Variants in OR4N2 observed in about 807,000 individuals in gnomAD.
The protein encoded by OR4N2 is olfactory receptor 4N2.
For synonymous variants in OR4N2, 141 were observed against 140.4 expected, an observed-to-expected ratio of 1.00 and a Z score of -0.03; for missense variants, 307 against 377.6, an observed-to-expected ratio of 0.81 and a Z score of 1.55.
intron 1 of OR4N2, among the ~76,000 whole-genome samples, chr14:19,811,750 C>G (rs2801167): frequency 0.082 from 12,319 of 149,744 alleles, 103 homozygotes; most frequent in East Asian, 0.18. Context: ...AACATCCATT[C>G]ATGTCTGTAA....
chr14:19,815,654 T>G (rs1163168791), intron 1 of OR4N2, among the ~76,000 whole-genome samples: 2 of 125,456 alleles, frequency 1.6e-5, no homozygotes, highest in African/African-American at 5.6e-5. Flanking sequence ...GGTTTTTTTT[T>G]GTTTTTTTTT....
intron 1 of OR4N2, among the ~76,000 whole-genome samples, chr14:19,815,439 T>C (rs1167914251): frequency 6.6e-6 from 1 of 152,248 alleles, no homozygotes; most frequent in Admixed American, 6.5e-5. Flanking sequence ...TGAGCTTTTT[T>C]TTCATATGTT....
intron 1 of OR4N2, among the ~76,000 whole-genome samples, chr14:19,807,970 TAA>T (rs1443237743): frequency 6.6e-6 from 1 of 152,062 alleles, no homozygotes; most frequent in Non-Finnish European, 1.5e-5. Context: ...ATAAACATAA[TAA>T]GAGACAAAAA....
chr14:19,822,807 A>T (rs1215539719), intron 1 of OR4N2, among the ~76,000 whole-genome samples: 1 of 152,256 alleles, frequency 6.6e-6, no homozygotes, highest in African/African-American at 2.4e-5. Context: ...TGTTACCCCC[A>T]TCAGACCCAA....
intron 1 of OR4N2, among the ~76,000 whole-genome samples, chr14:19,805,749 G>A (rs547382790): frequency 8.5e-5 from 13 of 152,246 alleles, no homozygotes; most frequent in Middle Eastern, 3.4e-3. Context: ...ACCCTGGCTA[G>A]ATATCGTACG....
intron 1 of OR4N2, among the ~76,000 whole-genome samples, chr14:19,806,891 T>C (rs1245243020): frequency 6.6e-6 from 1 of 152,036 alleles, no homozygotes; most frequent in African/African-American, 2.4e-5. Context: ...AAATTAGAAA[T>C]AAACATCAAG....
intron 1 of OR4N2, among the ~76,000 whole-genome samples, chr14:19,824,185 A>G (rs2318282): frequency 6.6e-6 from 1 of 152,044 alleles, no homozygotes; most frequent in Non-Finnish European, 1.5e-5. Flanking sequence ...ATGCCATCAT[A>G]TATGGATTTT....
intron 1 of OR4N2, among the ~76,000 whole-genome samples, chr14:19,809,966 A>T (rs1432868729): frequency 5.9e-5 from 9 of 152,026 alleles, no homozygotes; most frequent in African/African-American, 2.2e-4. Context: ...AAGACACCAG[A>T]AACATTGACC....
At chr14:19,820,119 G>A (rs1388521635) in intron 1 of OR4N2, among the ~76,000 whole-genome samples, 4 of 152,252 alleles carry the variant, frequency 2.6e-5, no homozygotes, top group Admixed American at 2.6e-4. Context: ...TGAGGTGTCT[G>A]TTGACCCCTG....
intron 1 of OR4N2, among the ~76,000 whole-genome samples, chr14:19,826,808 T>A (rs1460706951): frequency 6.6e-6 from 1 of 152,244 alleles, no homozygotes. Flanking sequence ...GCACTGTGCC[T>A]GTGTTAGGTC....
chr14:19,818,930 T>C (rs1478473213), intron 1 of OR4N2, among the ~76,000 whole-genome samples: 1 of 152,264 alleles, frequency 6.6e-6, no homozygotes, highest in African/African-American at 2.4e-5. Flanking sequence ...TTCTTTCTCC[T>C]TCGCTTATGA....
intron 1 of OR4N2, among the ~76,000 whole-genome samples, chr14:19,805,969 C>T (rs369236103): frequency 3.9e-5 from 6 of 152,058 alleles, no homozygotes; most frequent in Non-Finnish European, 7.4e-5. Flanking sequence ...CATATCCCAC[C>T]CAAACTTAGC....
chr14:19,815,681 G>GCTC (rs1879410105), intron 1 of OR4N2, among the ~76,000 whole-genome samples: 1 of 126,792 alleles, frequency 7.9e-6, no homozygotes, highest in Non-Finnish European at 1.6e-5. Flanking sequence ...TTTTTTTTCT[G>GCTC]TGCAGAAGCT....
At chr14:19,821,141 C>G (rs1159150064) in intron 1 of OR4N2, among the ~76,000 whole-genome samples, 1 of 152,258 alleles carries the variant, frequency 6.6e-6, no homozygotes, top group Non-Finnish European at 1.5e-5. Flanking sequence ...ATGCACCTTT[C>G]CTCTCGGCAC....
At chr14:19,815,655 G>GTTT (rs59019427) in intron 1 of OR4N2, among the ~76,000 whole-genome samples, 10 of 138,514 alleles carry the variant, frequency 7.2e-5, no homozygotes, top group Non-Finnish European at 1.1e-4. Context: ...GTTTTTTTTT[G>GTTT]TTTTTTTTTT....
At chr14:19,821,568 C>T (rs1386847079) in intron 1 of OR4N2, among the ~76,000 whole-genome samples, 1 of 152,178 alleles carries the variant, frequency 6.6e-6, no homozygotes, top group Non-Finnish European at 1.5e-5. Context: ...TTTATTATAA[C>T]ACGTAAATTT....
intron 1 of OR4N2, among the ~76,000 whole-genome samples, chr14:19,816,328 T>TGAGCACA (rs1310112504): frequency 6.6e-6 from 1 of 152,014 alleles, no homozygotes; most frequent in Non-Finnish European, 1.5e-5. Context: ...TTCCTATCCA[T>TGAGCACA]GAGCACAGAA....
chr14:19,821,485 C>G (rs1297932523), intron 1 of OR4N2, among the ~76,000 whole-genome samples: 1 of 152,134 alleles, frequency 6.6e-6, no homozygotes, highest in Non-Finnish European at 1.5e-5. Flanking sequence ...TTGCCTCATC[C>G]TACCCCTGCT....
At chr14:19,807,423 C>A (rs1280435315) in intron 1 of OR4N2, among the ~76,000 whole-genome samples, 1 of 151,948 alleles carries the variant, frequency 6.6e-6, no homozygotes, top group African/African-American at 2.4e-5. Flanking sequence ...CACAGAAATA[C>A]AAAAGATACT....
Sources: gnomAD v4.1 joint callset for allele counts (sites outside exome capture counted in the v4.1 genomes callset) on GRCh38, gnomAD v4.1.1 for gene constraint, MANE v1.5 for transcripts, NCBI Gene and HGNC (gene_info 2026-07-23, HGNC 2026-07-21) for gene names.